CCNA1: variants seen among roughly 807,000 people sequenced by gnomAD.
CCNA1 encodes cyclin-A1.
In CCNA1, 23 loss-of-function variants were observed where a neutral mutation model predicts 54.1. That is an observed-to-expected ratio of 0.42 (90% CI 0.31 to 0.60). The LOEUF (loss-of-function observed/expected upper bound fraction) is 0.60. Ranked by LOEUF, CCNA1 falls within the 20% of genes least tolerant of loss-of-function variation. CCNA1 has a pLI of 0.14. For synonymous variants in CCNA1, 208 were observed against 213.9 expected, an observed-to-expected ratio of 0.97 and a Z score of 0.24; for missense variants, 450 against 556.7, an observed-to-expected ratio of 0.81 and a Z score of 1.93.
chr13:36,441,973 TTATAA>T lies in CCNA1; in HGVS notation c.1213-194_1213-190del, dbSNP rs1220418882. On this transcript the variant is annotated intron_variant, in intron 7 of 8. Transcript: ENST00000255465. ...CAGCCCCAAATTGAGCATTATAAATTTATAATATGAGAAAATTTAGAGCCTTGGCT... is the reference window on the plus strand; with the variant it reads ...CAGCCCCAAATTGAGCATTATAAATTTATGAGAAAATTTAGAGCCTTGGCT... 2.0e-5 allele frequency among the ~76,000 whole-genome samples: 3 copies of T among 152,080 alleles called. No individual in the cohort carries two copies. The East Asian group carries it at 5.8e-4, about 29-fold the overall frequency.
At chr13:36,440,342 A>C (rs958152269) in intron 6 of CCNA1, among the ~76,000 whole-genome samples, 159 bp downstream of exon 6, 8 of 152,184 alleles carry the variant, frequency 5.3e-5, no homozygotes, top group African/African-American at 1.9e-4. Flanking sequence ...TTAAGAACCC[A>C]GCTTTTGGTT....
In CCNA1 at chr13:36,438,050, G is replaced by A. The variant is rs115775515; in HGVS notation, c.545-17G>A. 562 of 1,610,502 alleles carry A rather than the reference G, an allele frequency of 3.5e-4. 3 individuals are homozygous for A. In the African/African-American group the frequency reaches 6.8e-3, roughly 19 times the overall value. ...TTTAAATTAAATGAGTTATCTGACA[G>A]TGTTGAACTCTTGCAGTTTCCCCTA... is the stretch of plus-strand genomic sequence containing the variant. On this transcript the variant is annotated splice_polypyrimidine_tract_variant and intron_variant, in intron 3 of 8. Coordinates refer to ENST00000255465, the MANE Select transcript of CCNA1 (RefSeq NM_003914.4).
Position 36,442,764 on chromosome 13 carries a change from A to G in CCNA1, c.*99A>G, listed in dbSNP as rs2055891017. ...CGTTGGATCAACTAATGTTGTTTAC[A>G]ATATAGATGACATTTTAAAAATGTA... is the stretch of plus-strand genomic sequence containing the variant. On this transcript the variant is annotated 3_prime_UTR_variant, in exon 9 of 9. Coordinates refer to ENST00000255465, the MANE Select transcript of CCNA1 (RefSeq NM_003914.4). The G allele has an allele frequency of 1.1e-6, 1 of 919,638 alleles. No individual in the cohort carries two copies. The highest frequency in any genetic ancestry group is 1.6e-5 in the African/African-American group (1 of 61,062). The allele number at this position is 919,638 out of a possible 1,614,324, so 57.0% of individuals were successfully genotyped here.
At position 36,432,699 on chromosome 13, in the gene CCNA1, A is replaced by G; in HGVS notation, c.78A>G (p.Glu26=). 1.2e-6 allele frequency: 2 copies of G among 1,612,604 alleles called. No individual in the cohort carries two copies. The highest frequency in any genetic ancestry group is 1.7e-6 in the Non-Finnish European group (2 of 1,179,058). Residue 26 remains glutamate, a synonymous_variant, in exon 1 of 9, where the codon GAA becomes GAG. Coordinates refer to ENST00000255465, the MANE Select transcript of CCNA1 (RefSeq NM_003914.4). ...GGGGAGAAGAGTATCTCAGCTGGGA[A>G]GGACCGGGGCTCCCAGATTTCGTCT...
intron 5 of CCNA1, 75 bp from the exon 6 acceptor site, chr13:36,439,904 A>G (rs2055853992): frequency 7.8e-6 from 7 of 892,586 alleles, no homozygotes; most frequent in Non-Finnish European, 1.3e-5. Context: ...CCATGCGGAG[A>G]GGCGTGGCTT....
chr13:36,438,028 A>C (rs373351278), intron 3 of CCNA1, 39 bp from the exon 4 acceptor site: 1 of 1,602,604 alleles, frequency 6.2e-7, no homozygotes, highest in East Asian at 2.2e-5. Context: ...ACAAATGTTT[A>C]AATTAAATGA....
chr13:36,432,936 T>C, intron 1 of CCNA1, 97 bp from the exon 2 acceptor site: 6 of 1,199,250 alleles, frequency 5.0e-6, no homozygotes, highest in Middle Eastern at 2.9e-4. Flanking sequence ...TTAGTCCCAT[T>C]GCTTGGTGCT....
intron 2 of CCNA1, among the ~76,000 whole-genome samples, chr13:36,437,343 G>C (rs2055816891): frequency 6.6e-6 from 1 of 152,114 alleles, no homozygotes; most frequent in Non-Finnish European, 1.5e-5. Flanking sequence ...TTGGAAGAGA[G>C]CTATAGGTTT....
intron 7 of CCNA1, among the ~76,000 whole-genome samples, chr13:36,441,579 G>T (rs528794066): frequency 6.6e-6 from 1 of 152,158 alleles, no homozygotes; most frequent in South Asian, 2.1e-4. Flanking sequence ...CAAAAACCTA[G>T]GTCCAATTAG....
chr13:36,438,080 G>T lies in CCNA1; in HGVS notation c.558G>T (p.Leu186=), dbSNP rs749399552. The T allele has an allele frequency of 1.9e-6, 3 of 1,613,366 alleles. No individual in the cohort carries two copies. Among genetic ancestry groups the T allele is most frequent in the Non-Finnish European group, 2.5e-6 (3 of 1,179,704 alleles). ...GAACTCTTGCAGTTTCCCCTATGCTGGTAGATTCATCTCTCCTCTCCCAGT... is the reference window on the plus strand; with the variant it reads ...GAACTCTTGCAGTTTCCCCTATGCTTGTAGATTCATCTCTCCTCTCCCAGT... The change falls in exon 4 of 9, where the codon CTG becomes CTT. Residue 186 remains leucine (L), a synonymous_variant. Transcript: ENST00000255465.
chr13:36,438,095 C>T lies in CCNA1; in HGVS notation c.573C>T (p.Leu191=), dbSNP rs748507767. ...CCCCTATGCTGGTAGATTCATCTCT[C>T]CTCTCCCAGTCTGAAGATATATCCA... Residue 191 remains leucine (L), a synonymous_variant, in exon 4 of 9, where the codon CTC becomes CTT. Coordinates refer to ENST00000255465, the MANE Select transcript of CCNA1 (RefSeq NM_003914.4). 6.2e-6 allele frequency: 10 copies of T among 1,613,018 alleles called. No individual in the cohort carries two copies. The East Asian group carries it at 8.9e-5, about 14-fold the overall frequency.
At chr13:36,434,915 G>T (rs1454113710) in intron 2 of CCNA1, among the ~76,000 whole-genome samples, 3 of 151,078 alleles carry the variant, frequency 2.0e-5, no homozygotes, top group Non-Finnish European at 4.4e-5. Context: ...TCTCTCATGA[G>T]TTTTTTCTTT....
intron 2 of CCNA1, among the ~76,000 whole-genome samples, chr13:36,433,431 TTTC>T (rs1566169664): frequency 0.038 from 3,625 of 94,570 alleles, 146 homozygotes; most frequent in Admixed American, 0.048. Flanking sequence ...TCTTTCTTTC[TTTC>T]TTTCTTTCGT....
chr13:36,432,390 TCCCCGCCCTG>T, upstream of CCNA1: 1 of 235,496 alleles, frequency 4.2e-6, no homozygotes, highest in South Asian at 6.1e-5. Flanking sequence ...TCCCTGCCCT[TCCCCGCCCTG>T]CCCCGCCCGG....
rs373454867 is a variant in CCNA1 at position 36,438,098 on chromosome 13, C to T, written c.576C>T (p.Leu192=). Residue 192 remains leucine (L), a synonymous_variant, in exon 4 of 9, where the codon CTC becomes CTT. Transcript: ENST00000255465. ...CTATGCTGGTAGATTCATCTCTCCTCTCCCAGTCTGAAGATATATCCAGTC... is the reference window on the plus strand; with the variant it reads ...CTATGCTGGTAGATTCATCTCTCCTTTCCCAGTCTGAAGATATATCCAGTC... 2.4e-5 allele frequency: 39 copies of T among 1,613,668 alleles called. No individual in the cohort carries two copies. The African/African-American group carries it at 4.3e-4, about 18-fold the overall frequency.
At chr13:36,436,000 C>T (rs1294660824) in intron 2 of CCNA1, among the ~76,000 whole-genome samples, 4 of 152,252 alleles carry the variant, frequency 2.6e-5, no homozygotes, top group South Asian at 4.1e-4. Context: ...ATTAACTCTA[C>T]TTTTTAAATG....
At position 36,441,913 on chromosome 13, in the gene CCNA1, A is replaced by G. The variant is rs560423054; in HGVS notation, c.1213-258A>G. Among the ~76,000 whole-genome samples, 16 of 152,240 alleles carry G rather than the reference A, an allele frequency of 1.1e-4. No homozygotes were observed. In the South Asian group the frequency reaches 2.9e-3, roughly 28 times the overall value. ...GCAGGGCTCTATAAGGACCAGTAAA[A>G]ATTTCACTCATGAGGGAACAAGGAA... is the stretch of plus-strand genomic sequence containing the variant. On this transcript the variant is annotated intron_variant, in intron 7 of 8. Transcript: ENST00000255465.
chr13:36,432,723 C>T lies in CCNA1; in HGVS notation c.102C>T (p.Val34=). The T allele has an allele frequency of 6.2e-7, 1 of 1,604,954 alleles. No individual in the cohort carries two copies. Among genetic ancestry groups the T allele is most frequent in the South Asian group, 1.1e-5 (1 of 90,494 alleles). ...AAGGACCGGGGCTCCCAGATTTCGTCTTCCAGGTAACGTGGGTTTAGTATC... is the reference window on the plus strand; with the variant it reads ...AAGGACCGGGGCTCCCAGATTTCGTTTTCCAGGTAACGTGGGTTTAGTATC... Residue 34 remains valine (V), a synonymous_variant, in exon 1 of 9, where the codon GTC becomes GTT. Transcript: ENST00000255465.
At position 36,432,679 on chromosome 13, in the gene CCNA1, GA is replaced by G. The variant is rs762041001; in HGVS notation, c.60del (p.Glu21SerfsTer64). 5.0e-6 allele frequency: 8 copies of G among 1,612,810 alleles called. No individual in the cohort carries two copies. The African/African-American group carries it at 1.1e-4, about 22-fold the overall frequency. ...TGGATCTTTTATTGGGGGCTGGGGA[GA>G]AGAGTATCTCAGCTGGGAAGGACCG... On this transcript the variant is annotated frameshift_variant, in exon 1 of 9. Coordinates refer to ENST00000255465, the MANE Select transcript of CCNA1 (RefSeq NM_003914.4). LOFTEE classifies it high-confidence loss of function.
Sources: gnomAD v4.1 joint callset for allele counts (sites outside exome capture counted in the v4.1 genomes callset) on GRCh38, gnomAD v4.1.1 for gene constraint, MANE v1.5 for transcripts, NCBI Gene and HGNC (gene_info 2026-07-23, HGNC 2026-07-21) for gene names.